The following MARCHF1 variants were observed in gnomAD, a reference collection of about 807,000 sequenced individuals.
MARCHF1 encodes the protein membrane associated ring-CH-type finger 1, also known as E3 ubiquitin-protein ligase MARCHF1.
Under a neutral mutation model 54.2 loss-of-function variants are expected in MARCHF1, and 40 were observed. The ratio of observed to expected loss-of-function variants is 0.74; its 90% CI spans 0.57 to 0.96. The LOEUF is 0.96. Among genes scored for constraint, MARCHF1 ranks in the 40% least tolerant of loss-of-function variants. MARCHF1 has a pLI of 0.00. For missense variants in MARCHF1, 586 were observed against 656.5 expected (o/e 0.89, Z 1.17); for synonymous variants, 236 against 236.3 (o/e 1.00, Z 0.01).
At chr4:163,986,249 C>CTGTTTTTTTTTTTTTTTTTTT (rs1752864623) in intron 3 of MARCHF1, among the ~76,000 whole-genome samples, 1 of 28,830 alleles carries the variant, frequency 3.5e-5, no homozygotes, top group Non-Finnish European at 7.7e-5. Flanking sequence ...TTAACCTCTT[C>CTGTTTTTTTTTTTTTTTTTTT]TTTTTTTTTT....
At chr4:163,691,685 A>C (rs1356551289) in intron 5 of MARCHF1, among the ~76,000 whole-genome samples, 1 of 152,156 alleles carries the variant, frequency 6.6e-6, no homozygotes, top group Non-Finnish European at 1.5e-5. Context: ...AGTTTCCTAC[A>C]AACTGTAACC....
At chr4:163,608,656 T>TAATA (rs909517819) in intron 7 of MARCHF1, among the ~76,000 whole-genome samples, 6 of 152,022 alleles carry the variant, frequency 3.9e-5, no homozygotes. Flanking sequence ...CTCTAAGGTA[T>TAATA]AATAGGCTGG....
intron 4 of MARCHF1, among the ~76,000 whole-genome samples, chr4:163,842,652 G>C (rs1289378652): frequency 3.9e-5 from 6 of 152,118 alleles, no homozygotes; most frequent in Admixed American, 6.6e-5. Flanking sequence ...AGTTGTTAAC[G>C]TGTCAGGTGC....
chr4:164,312,734 T>A (rs966058211), intron 1 of MARCHF1, among the ~76,000 whole-genome samples: 1 of 151,718 alleles, frequency 6.6e-6, no homozygotes, highest in African/African-American at 2.4e-5. Context: ...TTTCTTCATG[T>A]GGAAGGAAAT....
At chr4:163,874,291 CTG>C (rs1406658653) in intron 3 of MARCHF1, among the ~76,000 whole-genome samples, 2 of 152,148 alleles carry the variant, frequency 1.3e-5, no homozygotes, top group East Asian at 3.9e-4. Context: ...AGTTTAAGGT[CTG>C]TGATAATTTG....
chr4:164,201,659 T>A (rs41325848), intron 1 of MARCHF1, among the ~76,000 whole-genome samples: 12,654 of 152,142 alleles, frequency 0.083, 817 homozygotes, highest in East Asian at 0.18. Flanking sequence ...AAATTGCATA[T>A]GAGAAGCAAG....
intron 4 of MARCHF1, among the ~76,000 whole-genome samples, chr4:163,704,220 G>A (rs1744887996): frequency 6.6e-6 from 1 of 151,298 alleles, no homozygotes. Flanking sequence ...CTTTTTTCAG[G>A]TTAAAAATCC....
rs377396807 is a variant in MARCHF1, at chr4:163,733,149, T to TTCTCTCTCTCTCTCTCTC, written c.112-32304_112-32287dup. Among the ~76,000 whole-genome samples the TTCTCTCTCTCTCTCTCTC allele has an allele frequency of 2.9e-4, 18 of 62,592 alleles. 1 individual carries two copies. The highest frequency in any genetic ancestry group is 9.6e-4 in the African/African-American group (18 of 18,736). The allele number at this position is 62,592 out of a possible 152,430, so 41.1% of individuals were successfully genotyped here. On this transcript the variant is annotated intron_variant, in intron 4 of 9. Coordinates refer to ENST00000514618, the MANE Select transcript of MARCHF1 (RefSeq NM_001394959.1). ...CCTGGGTGACAGAGCAAGACTCCAT[T>TTCTCTCTCTCTCTCTCTC]TCTCTCTCTCTCTCTCTCTGTATGT...
At chr4:163,628,403 TAATAA>T in intron 5 of MARCHF1, among the ~76,000 whole-genome samples, 1 of 151,534 alleles carries the variant, frequency 6.6e-6, no homozygotes, top group Middle Eastern at 3.4e-3. Flanking sequence ...TATCTCAAAA[TAATAA>T]GGGCTATTTA....
intron 3 of MARCHF1, among the ~76,000 whole-genome samples, chr4:163,862,345 T>C (rs1749957558): frequency 6.6e-6 from 1 of 151,982 alleles, no homozygotes; most frequent in South Asian, 2.1e-4. Flanking sequence ...TACAAAGAAC[T>C]CTTAAAACTC....
intron 4 of MARCHF1, among the ~76,000 whole-genome samples, chr4:163,733,025 G>T (rs559146644): frequency 6.6e-6 from 1 of 150,398 alleles, no homozygotes; most frequent in South Asian, 2.1e-4. Flanking sequence ...GGTGGCAGAT[G>T]CCTGTAATCC....
chr4:164,343,984 T>A (rs1451380852), intron 1 of MARCHF1, among the ~76,000 whole-genome samples: 1 of 152,130 alleles, frequency 6.6e-6, no homozygotes, highest in African/African-American at 2.4e-5. Context: ...TAAATGCCTA[T>A]CAACAGTAAA....
chr4:164,080,689 T>C (rs1202422465), intron 2 of MARCHF1, among the ~76,000 whole-genome samples: 1 of 151,812 alleles, frequency 6.6e-6, no homozygotes, highest in Non-Finnish European at 1.5e-5. Context: ...TATATATGTG[T>C]GTGTATATAT....
chr4:163,634,305 T>C (rs923703706), intron 5 of MARCHF1, among the ~76,000 whole-genome samples: 62 of 148,926 alleles, frequency 4.2e-4, no homozygotes, highest in Admixed American at 1.3e-3. Context: ...GACTGGCAAA[T>C]TGGATAAAGA....
chr4:164,314,621 A>G (rs181695116), intron 1 of MARCHF1, among the ~76,000 whole-genome samples: 70 of 152,316 alleles, frequency 4.6e-4, no homozygotes, highest in Admixed American at 1.4e-3. Context: ...AAATACTCAG[A>G]TATGTTAGAA....
intron 3 of MARCHF1, among the ~76,000 whole-genome samples, chr4:163,861,623 A>T (rs1254224420): frequency 6.6e-6 from 1 of 152,102 alleles, no homozygotes; most frequent in African/African-American, 2.4e-5. Context: ...GGATGGGAAG[A>T]CTCAACATTG....
chr4:163,769,875 C>T (rs969342845), intron 4 of MARCHF1, among the ~76,000 whole-genome samples: 1 of 152,102 alleles, frequency 6.6e-6, no homozygotes, highest in African/African-American at 2.4e-5. Context: ...AAGGTATGAA[C>T]TACGTTGATC....
chr4:164,154,186 T>TA (rs755239802), intron 1 of MARCHF1, among the ~76,000 whole-genome samples: 1 of 152,070 alleles, frequency 6.6e-6, no homozygotes, highest in African/African-American at 2.4e-5. Flanking sequence ...TATTTAAATG[T>TA]AAAAAATATC....
intron 4 of MARCHF1, among the ~76,000 whole-genome samples, chr4:163,757,732 C>CT (rs1412393291): frequency 6.6e-6 from 1 of 152,152 alleles, no homozygotes; most frequent in Non-Finnish European, 1.5e-5. Flanking sequence ...GTTGACCTAT[C>CT]TGATCGTAAA....
Sources: gnomAD v4.1 joint callset for allele counts (sites outside exome capture counted in the v4.1 genomes callset) on GRCh38, gnomAD v4.1.1 for gene constraint, MANE v1.5 for transcripts, NCBI Gene and HGNC (gene_info 2026-07-23, HGNC 2026-07-21) for gene names.